The following DHX37 variants were observed in gnomAD, a reference collection of about 807,000 sequenced individuals.
The protein encoded by DHX37 is probable ATP-dependent RNA helicase DHX37.
DHX37 carries 52 observed loss-of-function variants against 134.3 expected under a neutral mutation model. The observed-to-expected ratio is 0.39, with a 90% CI of 0.31 to 0.49. The LOEUF (loss-of-function observed/expected upper bound fraction) is 0.49. DHX37 is among the 20% of genes least tolerant of loss of function. The pLI, the probability that DHX37 is intolerant of heterozygous loss-of-function variation, is 0.93. For synonymous variants in DHX37, 634 were observed against 670.7 expected (o/e 0.95, Z 0.85); for missense variants, 1,344 against 1,580.8 (o/e 0.85, Z 2.54).
At chr12:124,975,287 T>G in intron 6 of DHX37, 132 bp downstream of exon 6, 3 of 879,262 alleles carry the variant, frequency 3.4e-6, no homozygotes. Flanking sequence ...TGATTCCCAG[T>G]GCTACATGCA....
chr12:124,976,413 T>C (rs1954640291), intron 5 of DHX37, among the ~76,000 whole-genome samples: 4 of 152,060 alleles, frequency 2.6e-5, no homozygotes, highest in Non-Finnish European at 5.9e-5. Context: ...GGCTACACAG[T>C]GAAAATGGTA....
At chr12:124,967,072 G>T in intron 11 of DHX37, 51 bp downstream of exon 11, 1 of 1,600,034 alleles carries the variant, frequency 6.2e-7, no homozygotes, top group South Asian at 1.1e-5. Context: ...GGGAGCGCGA[G>T]GCCAAGCCCA....
chr12:124,981,894 C>T (rs183707686), intron 3 of DHX37, among the ~76,000 whole-genome samples: 14 of 151,900 alleles, frequency 9.2e-5, no homozygotes, highest in Admixed American at 7.9e-4. Context: ...GAGGCCGAGG[C>T]GGGCAGATCA....
intron 7 of DHX37, 145 bp downstream of exon 7, chr12:124,972,358 G>C: frequency 1.3e-6 from 1 of 770,536 alleles, no homozygotes. Flanking sequence ...GAGAGGTTAA[G>C]TAACTCACCC....
Position 124,980,896 on chromosome 12 carries a change from G to A in DHX37, c.390-58C>T, listed in dbSNP as rs564037319. 1.8e-5 allele frequency: 28 copies of A among 1,523,192 alleles called. No homozygotes were observed. Among genetic ancestry groups the A allele is most frequent in the Non-Finnish European group, 2.4e-5 (27 of 1,139,744 alleles). 94.4% of individuals were successfully genotyped at this position (1,523,192 alleles called of 1,614,324 possible). ...GCCCCACCTCAATCCCAGAGGTCAG[G>A]ACTCCAAGGCCATACCCCTTTCTGC... On this transcript the variant is annotated intron_variant, in intron 3 of 26. Coordinates refer to ENST00000308736, the MANE Select transcript of DHX37 (RefSeq NM_032656.4). The surrounding 1 kb of genome is among the most constrained non-coding windows in gnomAD (Gnocchi z 5.3).
intron 3 of DHX37, among the ~76,000 whole-genome samples, chr12:124,981,391 T>C (rs12423062): frequency 0.39 from 59,552 of 151,506 alleles, 12,052 homozygotes; most frequent in African/African-American, 0.5. Flanking sequence ...CATTTAAGGG[T>C]CAGCAGCTTG....
rs1199338619 is a variant in DHX37 at position 124,980,572 on chromosome 12, G to A, written c.656C>T (p.Pro219Leu). The change falls in exon 4 of 27, where the codon CCT becomes CTT. Residue 219 changes from proline to leucine, a missense_variant. Physicochemically the swap from Pro to Leu is moderately conservative, Grantham distance 98. Transcript: ENST00000308736. This position sits in a 1 kb window ranked among gnomAD's most constrained non-coding sequence, Gnocchi z 5.3. ...GGGCAGTGGTGGGGCTGCAGCTGGAGGAGGAGGAACAGTCATCCCAGCCGG... is the reference window on the plus strand; with the variant it reads ...GGGCAGTGGTGGGGCTGCAGCTGGAAGAGGAGGAACAGTCATCCCAGCCGG... Reference protein sequence around the residue: ...PVPAGMTVPPPPAAAPPLPRA... With the variant: ...PVPAGMTVPPLPAAAPPLPRA... 4 of 1,611,812 alleles carry A rather than the reference G, an allele frequency of 2.5e-6. No individual in the cohort carries two copies. The highest frequency in any genetic ancestry group is 1.1e-5 in the South Asian group (1 of 91,010).
At chr12:124,972,718 AC>A in intron 6 of DHX37, 119 bp from the exon 7 acceptor site, 1 of 870,170 alleles carries the variant, frequency 1.1e-6, no homozygotes, top group South Asian at 1.4e-5. Context: ...CCCGCTGGCA[AC>A]CTGAAACAAG....
rs1382127342 is a variant in DHX37, at chr12:124,952,474, G to A, written c.2792C>T (p.Ala931Val). The A allele has an allele frequency of 2.5e-6, 4 of 1,610,742 alleles. No individual in the cohort carries two copies. The highest frequency in any genetic ancestry group is 3.4e-6 in the Non-Finnish European group (4 of 1,178,684). The change falls in exon 21 of 27, where the codon GCA becomes GTA. Residue 931 changes from alanine to valine, a missense_variant. This residue lies in a region of DHX37 where 558 missense variants were observed against 650.0 expected (regional missense o/e 0.86). Coordinates refer to ENST00000308736, the MANE Select transcript of DHX37 (RefSeq NM_032656.4). ...QVTYLRQIVTAGLGDHLARRV... is the reference protein window; with the variant it reads ...QVTYLRQIVTVGLGDHLARRV... Reference sequence around the variant, plus strand: ...GCGGGCCAAGTGGTCCCCCAGGCCTGCCGTCACGATCTGTCGCAGGTAGGT... The same window carrying A: ...GCGGGCCAAGTGGTCCCCCAGGCCTACCGTCACGATCTGTCGCAGGTAGGT...
At chr12:124,965,928 T>C (rs1954377957) in intron 12 of DHX37, 116 bp from the exon 13 acceptor site, 1 of 1,342,394 alleles carries the variant, frequency 7.4e-7, no homozygotes, top group Non-Finnish European at 1.0e-6. Flanking sequence ...CCATGGGCCA[T>C]GCAACCCGGG....
rs372590008 is a variant in DHX37 at position 124,956,755 on chromosome 12, G to C, written c.2389C>G (p.Leu797Val). Residue 797 changes from leucine (L) to valine (V), a missense_variant, in exon 18 of 27, where the codon CTG (leucine) becomes GTG (valine). By Grantham distance (32) the Leu-to-Val change is conservative (BLOSUM62 1). Around this residue, in one of 7 missense-constraint regions of DHX37, gnomAD observed 558 missense variants for 650.0 expected, o/e 0.86. Transcript: ENST00000308736. ...GCCACGATGGTGATGGCATAGGGCA[G>C]GCAGCCGTGTTGTCGGCTCAGTGCC... ...MLALSRQHGC[L>V]PYAITIVASM... The C allele has an allele frequency of 1.9e-5, 30 of 1,609,284 alleles. No homozygotes were observed. In the African/African-American group the frequency reaches 3.5e-4, roughly 19 times the overall value.
rs746698210 is a variant in DHX37 at position 124,980,588 on chromosome 12, T to A, written c.640A>T (p.Met214Leu). 1 of 1,610,362 alleles carries A rather than the reference T, an allele frequency of 6.2e-7. No individual in the cohort carries two copies. The highest frequency in any genetic ancestry group is 1.1e-5 in the South Asian group (1 of 90,964). The change falls in exon 4 of 27, where the codon ATG becomes TTG. Residue 214 changes from methionine to leucine, a missense_variant. Physicochemically the swap from Met to Leu is conservative, Grantham distance 15. Coordinates refer to ENST00000308736, the MANE Select transcript of DHX37 (RefSeq NM_032656.4). This position sits in a 1 kb window ranked among gnomAD's most constrained non-coding sequence, Gnocchi z 5.3. Reference protein sequence around the residue: ...APSSQPVPAGMTVPPPPAAAP... With the variant: ...APSSQPVPAGLTVPPPPAAAP... ...GCAGCTGGAGGAGGAGGAACAGTCATCCCAGCCGGCACGGGCTGACTGCTG... is the reference window on the plus strand; with the variant it reads ...GCAGCTGGAGGAGGAGGAACAGTCAACCCAGCCGGCACGGGCTGACTGCTG...
intron 3 of DHX37, among the ~76,000 whole-genome samples, chr12:124,981,387 AG>A (rs1201669276): frequency 1.3e-5 from 2 of 152,144 alleles, no homozygotes; most frequent in African/African-American, 4.8e-5. Context: ...AGGCCATTTA[AG>A]GGTCAGCAGC....
intron 7 of DHX37, among the ~76,000 whole-genome samples, chr12:124,971,663 C>G (rs1417479670): frequency 1.3e-5 from 2 of 152,210 alleles, no homozygotes; most frequent in African/African-American, 2.4e-5. Context: ...CAGACCCAAA[C>G]TGCATCCACT....
rs780020505 is a variant in DHX37, at chr12:124,971,337, C to T, written c.1156G>A (p.Gly386Ser). Residue 386 changes from glycine to serine, a missense_variant, in exon 8 of 27, where the codon GGC becomes AGC. Transcript: ENST00000308736. ...ERSVYTDILIGLLSRIVTLRA... is the reference protein window; with the variant it reads ...ERSVYTDILISLLSRIVTLRA... ...AGAGTCACAATGCGGGACAGGAGGC[C>T]GATGAGGATGTCCGTGTACACGCTC... The T allele has an allele frequency of 2.0e-5, 32 of 1,613,114 alleles. No homozygotes were observed. Among genetic ancestry groups the T allele is most frequent in the African/African-American group, 1.9e-4 (14 of 74,898 alleles).
chr12:124,976,784 C>T (rs1320828198), intron 5 of DHX37, among the ~76,000 whole-genome samples: 7 of 144,352 alleles, frequency 4.8e-5, no homozygotes, highest in Admixed American at 2.8e-4. Flanking sequence ...GAGCCGAGAT[C>T]GCGCCACTAC....
In DHX37 at chr12:124,972,599, C is replaced by T. The variant is rs951540623; in HGVS notation, c.981G>A (p.Arg327=). ...RVAKEMNLSQ[R]VVSYQIRYEG... ...CATACCGGATCTGGTAGGAGACGAC[C>T]CTGTATGGGCAGAGTTCGGGTTAGG... Residue 327 remains arginine (R), a splice_region_variant and synonymous_variant, in exon 7 of 27, where the codon CGG becomes CGA. Coordinates refer to ENST00000308736, the MANE Select transcript of DHX37 (RefSeq NM_032656.4). The T allele has an allele frequency of 6.2e-7, 1 of 1,614,004 alleles. No individual in the cohort carries two copies. The highest frequency in any genetic ancestry group is 1.3e-5 in the African/African-American group (1 of 74,940).
chr12:124,960,949 G>T (rs532521717), intron 15 of DHX37, among the ~76,000 whole-genome samples: 1 of 152,210 alleles, frequency 6.6e-6, no homozygotes, highest in East Asian at 1.9e-4. Context: ...GCGAGACTCC[G>T]TCTCAAAACC....
In DHX37 at chr12:124,965,794, A is replaced by C. The variant is rs751123088; in HGVS notation, c.1609T>G (p.Leu537Val). 3 of 1,613,760 alleles carry C rather than the reference A, an allele frequency of 1.9e-6. No individual in the cohort carries two copies. In the African/African-American group the frequency reaches 4.0e-5, roughly 22 times the overall value. The part of the protein sequence containing the change: ...ARAEVLPQIN[L>V]DHYSVLPAGE... ...GCCGGTAACACCGAGTAATGATCCAAGTTGATCTGGGGCAGCACCTACGGC... is the reference window on the plus strand; with the variant it reads ...GCCGGTAACACCGAGTAATGATCCACGTTGATCTGGGGCAGCACCTACGGC... The change falls in exon 13 of 27, where the codon TTG (leucine) becomes GTG (valine). Residue 537 changes from leucine (L) to valine (V), a missense_variant. This residue lies in a region of DHX37 where 289 missense variants were observed against 323.8 expected (regional missense o/e 0.89). Transcript: ENST00000308736.
Sources: allele counts gnomAD v4.1 joint callset (sites outside exome capture counted in the v4.1 genomes callset), GRCh38; gene constraint gnomAD v4.1.1; regional missense constraint gnomAD v4.1.1; non-coding constraint Gnocchi (gnomAD v3.1); transcripts MANE v1.5; gene names NCBI Gene and HGNC (gene_info 2026-07-23, HGNC 2026-07-21).